Variants in ZNRF2 observed in about 807,000 individuals in gnomAD.
ZNRF2 encodes the protein E3 ubiquitin-protein ligase ZNRF2.
Under a neutral mutation model 20.4 loss-of-function variants are expected in ZNRF2, and 16 were observed. The observed-to-expected ratio is 0.79, with a 90% CI of 0.53 to 1.19. The LOEUF (loss-of-function observed/expected upper bound fraction) is 1.19. Among genes scored for constraint, ZNRF2 ranks in the 50% most tolerant of loss-of-function variants. ZNRF2 has a pLI of 0.00. For synonymous variants in ZNRF2, 178 were observed against 144.9 expected (o/e 1.23, Z -1.64); for missense variants, 363 against 332.4 (o/e 1.09, Z -0.72).
At chr7:30,321,481 A>C in intron 1 of ZNRF2, among the ~76,000 whole-genome samples, 1 of 151,590 alleles carries the variant, frequency 6.6e-6, no homozygotes, top group East Asian at 1.9e-4. Context: ...TCATTTTAGT[A>C]GGTTTTGGAG....
At chr7:30,320,359 A>G (rs1004995178) in intron 1 of ZNRF2, among the ~76,000 whole-genome samples, 25 of 152,220 alleles carry the variant, frequency 1.6e-4, no homozygotes, top group African/African-American at 5.1e-4. Flanking sequence ...AATCAAAACA[A>G]AGAATTTAGA....
At position 30,284,978 on chromosome 7, in the gene ZNRF2, C is replaced by T. The variant is rs1583558198; in HGVS notation, c.-380C>T. 1 of 333,768 alleles carries T rather than the reference C, an allele frequency of 3.0e-6. No individual in the cohort carries two copies. The highest frequency in any genetic ancestry group is 6.0e-6 in the Non-Finnish European group (1 of 167,738). 20.7% of individuals were successfully genotyped at this position (333,768 alleles called of 1,614,324 possible). ...GCCCGAGAGGAGGCGGTGCCGAGATCGGGGGCGCCGAGCGCGGCAGCAGAG... is the reference window on the plus strand; with the variant it reads ...GCCCGAGAGGAGGCGGTGCCGAGATTGGGGGCGCCGAGCGCGGCAGCAGAG... On this transcript the variant is annotated 5_prime_UTR_variant, in exon 1 of 5. Transcript: ENST00000323037.
rs186115015 is a variant in ZNRF2, at chr7:30,306,720, A to C, written c.470-16922A>C. 7.9e-5 allele frequency among the ~76,000 whole-genome samples: 12 copies of C among 152,294 alleles called. No individual in the cohort carries two copies. The East Asian group carries it at 2.1e-3, about 27-fold the overall frequency. ...TGGTTCCTTTAGTAGTTTAAGTTGC[A>C]CATTGACTTGCCTGTCGACCGTACT... On this transcript the variant is annotated intron_variant, in intron 1 of 4. Transcript: ENST00000323037.
At chr7:30,288,249 TG>T in intron 1 of ZNRF2, among the ~76,000 whole-genome samples, 1 of 152,270 alleles carries the variant, frequency 6.6e-6, no homozygotes, top group East Asian at 1.9e-4. Flanking sequence ...ATTGTATAAA[TG>T]GTTATATACA....
chr7:30,309,797 A>C (rs1393223509), intron 1 of ZNRF2, among the ~76,000 whole-genome samples: 1 of 152,200 alleles, frequency 6.6e-6, no homozygotes. Context: ...GAAAGTATAG[A>C]TATGTAGCAT....
intron 1 of ZNRF2, among the ~76,000 whole-genome samples, chr7:30,287,864 A>C (rs191830425): frequency 2.0e-5 from 3 of 152,266 alleles, no homozygotes; most frequent in African/African-American, 7.2e-5. Flanking sequence ...GAGAAAAGTC[A>C]CTGAAATAAT....
intron 1 of ZNRF2, among the ~76,000 whole-genome samples, chr7:30,315,731 G>GT (rs1554294835): frequency 2.9e-5 from 3 of 104,674 alleles, no homozygotes; most frequent in South Asian, 4.8e-4. Flanking sequence ...GTGGGGCGGG[G>GT]GGGGGGGGGT....
chr7:30,332,556 G>A (rs1799652185), intron 2 of ZNRF2, among the ~76,000 whole-genome samples: 1 of 152,066 alleles, frequency 6.6e-6, no homozygotes, highest in South Asian at 2.1e-4. Flanking sequence ...CCCTGTGTCT[G>A]TTGTTTCTAT....
At chr7:30,363,165 G>A (rs529627053) in intron 4 of ZNRF2, among the ~76,000 whole-genome samples, 1 of 152,148 alleles carries the variant, frequency 6.6e-6, no homozygotes, top group South Asian at 2.1e-4. Flanking sequence ...CCCAGGAAGT[G>A]GAGGTTGCAG....
chr7:30,286,030 T>G (rs1376065796), intron 1 of ZNRF2, among the ~76,000 whole-genome samples: 1 of 152,208 alleles, frequency 6.6e-6, no homozygotes, highest in African/African-American at 2.4e-5. Flanking sequence ...GACGCGTGGT[T>G]TTGTTTTTAA....
chr7:30,339,233 T>A (rs921674532), intron 2 of ZNRF2, among the ~76,000 whole-genome samples: 3 of 152,220 alleles, frequency 2.0e-5, no homozygotes, highest in African/African-American at 7.2e-5. Flanking sequence ...TTCACTCTGA[T>A]GATAGTTTCT....
chr7:30,332,330 C>A (rs1436602112), intron 2 of ZNRF2, among the ~76,000 whole-genome samples: 1 of 152,106 alleles, frequency 6.6e-6, no homozygotes, highest in Non-Finnish European at 1.5e-5. Flanking sequence ...TTACTCTTGA[C>A]TTTGAGAGGT....
chr7:30,319,846 A>G (rs1799439423), intron 1 of ZNRF2, among the ~76,000 whole-genome samples: 1 of 152,184 alleles, frequency 6.6e-6, no homozygotes. Context: ...TCTCTTCATC[A>G]CAGTCTCTCT....
chr7:30,295,050 A>AGAGAGAGAGAGAGAGTGT (rs1412764480), intron 1 of ZNRF2, among the ~76,000 whole-genome samples: 5 of 38,284 alleles, frequency 1.3e-4, no homozygotes, highest in Admixed American at 5.4e-4. Context: ...AGAGAGAGAG[A>AGAGAGAGAGAGAGAGTGT]GTGTGTGTGT....
In ZNRF2 at chr7:30,353,527, C is replaced by T. The variant is rs112869432; in HGVS notation, c.566-2201C>T. On this transcript the variant is annotated intron_variant, in intron 2 of 4. Transcript: ENST00000323037. ...TGCAAAGCATCTGAGGGATAAGTCT[C>T]GCCCCTGTCAATTTTAAAATAGCAT... 3.1e-3 allele frequency among the ~76,000 whole-genome samples: 479 copies of T among 152,164 alleles called. 3 individuals are homozygous for T. The highest frequency in any genetic ancestry group is 0.01 in the African/African-American group (429 of 41,526).
chr7:30,357,970 G>A (rs1179584040), intron 3 of ZNRF2, among the ~76,000 whole-genome samples: 1 of 152,042 alleles, frequency 6.6e-6, no homozygotes, highest in African/African-American at 2.4e-5. Context: ...TCAACAATAA[G>A]TATCTAACAA....
At chr7:30,287,182 A>G (rs999167086) in intron 1 of ZNRF2, among the ~76,000 whole-genome samples, 4 of 152,198 alleles carry the variant, frequency 2.6e-5, no homozygotes, top group African/African-American at 7.2e-5. Flanking sequence ...AAAGAACTCT[A>G]CTGGTGTCCT....
At chr7:30,350,367 C>T (rs866197689) in intron 2 of ZNRF2, among the ~76,000 whole-genome samples, 3 of 152,102 alleles carry the variant, frequency 2.0e-5, no homozygotes, top group Non-Finnish European at 2.9e-5. Flanking sequence ...TCTAACAGTG[C>T]AGATGAAGAG....
intron 4 of ZNRF2, among the ~76,000 whole-genome samples, chr7:30,362,942 C>T (rs1278107433): frequency 2.0e-5 from 3 of 152,060 alleles, no homozygotes; most frequent in Non-Finnish European, 4.4e-5. Context: ...CACGGTGAAA[C>T]CCCGTCTCTA....
Sources: allele counts gnomAD v4.1 joint callset (sites outside exome capture counted in the v4.1 genomes callset), GRCh38; gene constraint gnomAD v4.1.1; transcripts MANE v1.5; gene names NCBI Gene and HGNC (gene_info 2026-07-23, HGNC 2026-07-21).